The following TMEM91 variants were observed in gnomAD, a reference collection of about 807,000 sequenced individuals.
TMEM91 encodes the protein dispanin subfamily C member 3.
In TMEM91, 6 loss-of-function variants were observed where a neutral mutation model predicts 13.3. That is an observed-to-expected ratio of 0.45 (90% CI 0.25 to 0.89). The LOEUF (loss-of-function observed/expected upper bound fraction) is 0.89, where lower values mean the gene tolerates loss of function less well. Among genes scored for constraint, TMEM91 ranks in the 40% least tolerant of loss-of-function variants. The pLI, the probability that TMEM91 is intolerant of heterozygous loss-of-function variation, is 0.19. For missense variants in TMEM91, 193 were observed against 228.7 expected (o/e 0.84, Z 1.01); for synonymous variants, 87 against 101.7 (o/e 0.86, Z 0.87).
intron 1 of TMEM91, among the ~76,000 whole-genome samples, chr19:41,369,257 A>C (rs2123162453): frequency 6.6e-6 from 1 of 152,168 alleles, no homozygotes. Context: ...TCCTCACCAC[A>C]ACCTCTGCCT....
upstream of TMEM91, among the ~76,000 whole-genome samples, chr19:41,371,758 G>A (rs2038628083): frequency 6.6e-6 from 1 of 152,062 alleles, no homozygotes; most frequent in South Asian, 2.1e-4. Context: ...ACTACTCTAA[G>A]TACGTCATGT....
chr19:41,382,352 G>C (rs1022260993), intron 2 of TMEM91, among the ~76,000 whole-genome samples: 4 of 151,912 alleles, frequency 2.6e-5, no homozygotes, highest in African/African-American at 9.7e-5. Flanking sequence ...GGCCAGGTGT[G>C]GTGGCTCATG....
chr19:41,381,520 C>A (rs2038887156), intron 2 of TMEM91, among the ~76,000 whole-genome samples: 1 of 151,920 alleles, frequency 6.6e-6, no homozygotes, highest in African/African-American at 2.4e-5. Flanking sequence ...GCCACCACAC[C>A]CGGCTAATTT....
intron 3 of TMEM91, chr19:41,383,452 C>A: frequency 1.6e-6 from 2 of 1,234,014 alleles, no homozygotes; most frequent in Non-Finnish European, 1.1e-6. Context: ...ATGTGAGAAT[C>A]AAATGAGTTA....
chr19:41,366,787 AT>A (rs2038534788), intron 1 of TMEM91, among the ~76,000 whole-genome samples: 1 of 152,086 alleles, frequency 6.6e-6, no homozygotes, highest in Admixed American at 6.6e-5. Context: ...GCTCCCATGT[AT>A]ACATGTTAAA....
exon 1 of TMEM91, chr19:41,364,091 G>C (rs1359700658): frequency 1.2e-5 from 2 of 165,750 alleles, no homozygotes; most frequent in Non-Finnish European, 2.7e-5. Context: ...CTGGCTGCGA[G>C]ATATGTAAGC....
chr19:41,375,273 C>CTTTTTTTTTTTTT (rs906641411), upstream of TMEM91, among the ~76,000 whole-genome samples: 5 of 58,658 alleles, frequency 8.5e-5, no homozygotes, highest in African/African-American at 1.4e-4. Context: ...ATTTTCTTTT[C>CTTTTTTTTTTTTT]TTTTTTTTTT....
At chr19:41,374,537 A>G (rs1245016164), upstream of TMEM91, 2 of 152,046 alleles carry the variant, frequency 1.3e-5, no homozygotes, top group Non-Finnish European at 2.9e-5. Flanking sequence ...GAGGCTCCCA[A>G]TGTTGGACAT....
At chr19:41,373,849 A>G (rs1212762167), upstream of TMEM91, 3 of 151,012 alleles carry the variant, frequency 2.0e-5, no homozygotes, top group African/African-American at 7.3e-5. Context: ...GTGCCACTGC[A>G]CTCCAGCCTT....
At chr19:41,370,400 T>TATTTATTTATTTATTTATTC (rs1458435151) in intron 1 of TMEM91, among the ~76,000 whole-genome samples, 11 of 121,968 alleles carry the variant, frequency 9.0e-5, no homozygotes, top group African/African-American at 4.1e-4. Flanking sequence ...TTATTTTATT[T>TATTTATTTATTTATTTATTC]ATTTATTTAT....
At chr19:41,383,618 T>C in intron 3 of TMEM91, 97 bp from the exon 4 acceptor site, 4 of 1,613,548 alleles carry the variant, frequency 2.5e-6, no homozygotes, top group South Asian at 1.1e-5. Context: ...AATACATGCA[T>C]GAATGAATGA....
intron 1 of TMEM91, among the ~76,000 whole-genome samples, chr19:41,365,059 T>A (rs546958576): frequency 6.6e-6 from 1 of 151,334 alleles, no homozygotes. Context: ...TTTTTTTTTT[T>A]AAGAGATGGA....
chr19:41,372,344 TAAAAA>T (rs977385511), upstream of TMEM91, among the ~76,000 whole-genome samples: 1 of 146,372 alleles, frequency 6.8e-6, no homozygotes, highest in Admixed American at 6.9e-5. Flanking sequence ...AGACTTCCTT[TAAAAA>T]AAAAAAGTTT....
chr19:41,364,544 C>G (rs968294392), intron 1 of TMEM91, among the ~76,000 whole-genome samples: 4 of 151,778 alleles, frequency 2.6e-5, no homozygotes, highest in African/African-American at 4.8e-5. Context: ...AACTGGAAAA[C>G]AAAGCAAAAA....
chr19:41,369,972 A>G (rs2038587746), intron 1 of TMEM91, among the ~76,000 whole-genome samples: 1 of 152,180 alleles, frequency 6.6e-6, no homozygotes, highest in African/African-American at 2.4e-5. Context: ...AAATTTTTGC[A>G]AAGTAAACAC....
intron 1 of TMEM91, among the ~76,000 whole-genome samples, chr19:41,368,851 A>G (rs1394553258): frequency 2.0e-5 from 3 of 150,826 alleles, no homozygotes; most frequent in East Asian, 4.0e-4. Context: ...ACAGTGGCTC[A>G]CACCTGTAAT....
At position 41,383,792 on chromosome 19, in the gene TMEM91, C is replaced by T. The variant is rs549829309; in HGVS notation, c.438C>T (p.Leu146=). The change falls in exon 4 of 4, where the codon CTC becomes CTT. Residue 146 remains leucine (L), a synonymous_variant. Coordinates refer to ENST00000392002, the MANE Select transcript of TMEM91 (RefSeq NM_001098821.2). The stretch of plus-strand genomic sequence containing the variant: ...GCCGTGCCTTCCTGCTGGGGGTCCT[C>T]GCCGTCGGGCTGGGCGTGTGCACGT... ...ASRRAFLLGV[L]AVGLGVCTYA... is the part of the protein sequence containing the mutation. 69 of 1,610,840 alleles carry T rather than the reference C, an allele frequency of 4.3e-5. No homozygotes were observed. The highest frequency in any genetic ancestry group is 1.3e-4 in the East Asian group (6 of 44,640).
At chr19:41,369,668 C>T (rs8106999) in intron 1 of TMEM91, among the ~76,000 whole-genome samples, 9,363 of 151,672 alleles carry the variant, frequency 0.062, 340 homozygotes, top group Non-Finnish European at 0.077. Flanking sequence ...ATCAGCTGAA[C>T]GTGGTGGCGA....
At chr19:41,368,800 T>C (rs2038569113) in intron 1 of TMEM91, among the ~76,000 whole-genome samples, 1 of 151,704 alleles carries the variant, frequency 6.6e-6, no homozygotes. Flanking sequence ...TATGGCTAGT[T>C]TTTGTAATTT....
Sources: gnomAD v4.1 joint callset for allele counts (sites outside exome capture counted in the v4.1 genomes callset) on GRCh38, gnomAD v4.1.1 for gene constraint, MANE v1.5 for transcripts, NCBI Gene and HGNC (gene_info 2026-07-23, HGNC 2026-07-21) for gene names.